CLINT1: variants seen among roughly 807,000 people sequenced by gnomAD.
CLINT1 encodes clathrin interacting protein localized in the trans-Golgi region.
CLINT1 carries 15 observed loss-of-function variants against 70.4 expected under a neutral mutation model. That is an observed-to-expected ratio of 0.21 (90% CI 0.14 to 0.33). The LOEUF is 0.33. CLINT1 is among the 10% of genes least tolerant of loss of function. The pLI is 1.00. For synonymous variants in CLINT1, 227 were observed against 254.7 expected (o/e 0.89, Z 1.04); for missense variants, 615 against 778.1 (o/e 0.79, Z 2.49).
chr5:157,823,775 A>C (rs1286153988), intron 1 of CLINT1: 2 of 832,458 alleles, frequency 2.4e-6, no homozygotes, highest in Non-Finnish European at 2.9e-6. Context: ...GGGGTACCCA[A>C]CCCCCGGAGT....
Position 157,803,733 on chromosome 5 carries a change from C to T in CLINT1, c.943-14G>A, listed in dbSNP as rs1330597060. ...AGGCACTGAAGTCTGAAAACACACA[C>T]ATAACTCAGGAGCTTCGAAAAGTTT... On this transcript the variant is annotated splice_polypyrimidine_tract_variant and intron_variant, in intron 7 of 11. Transcript: ENST00000411809. 5.8e-6 allele frequency: 9 copies of T among 1,539,882 alleles called. No individual in the cohort carries two copies. In the East Asian group the frequency reaches 2.1e-4, roughly 35 times the overall value.
chr5:157,800,762 T>C (rs1024202857), intron 8 of CLINT1, among the ~76,000 whole-genome samples: 1 of 152,232 alleles, frequency 6.6e-6, no homozygotes, highest in African/African-American at 2.4e-5. Flanking sequence ...GTCAAACTAC[T>C]GTTTGCACTG....
At chr5:157,828,480 C>T (rs540905903) in intron 1 of CLINT1, among the ~76,000 whole-genome samples, 54 of 152,066 alleles carry the variant, frequency 3.6e-4, no homozygotes, top group Middle Eastern at 3.4e-3. Context: ...TGAACGCTAA[C>T]AACTATATAA....
chr5:157,853,390 A>C (rs1304746095), intron 1 of CLINT1, among the ~76,000 whole-genome samples: 1 of 152,204 alleles, frequency 6.6e-6, no homozygotes, highest in Admixed American at 6.5e-5. Context: ...TCAACTGTAG[A>C]GCCATATTGT....
At position 157,809,756 on chromosome 5, in the gene CLINT1, A is replaced by G; in HGVS notation, c.567T>C (p.Asp189=). 6.2e-7 allele frequency: 1 copy of G among 1,613,484 alleles called. No individual in the cohort carries two copies. Among genetic ancestry groups the G allele is most frequent in the South Asian group, 1.1e-5 (1 of 91,036 alleles). The change falls in exon 6 of 12, where the codon GAT becomes GAC. Residue 189 remains aspartate, a synonymous_variant. Coordinates refer to ENST00000411809, the MANE Select transcript of CLINT1 (RefSeq NM_014666.4). ...TGAATGGAAAAGCACTCTTGTTTTT[A>G]TCCCACTCCTCATCCCATTTTGATT... ...EPKSKWDEEW[D]KNKSAFPFSD...
At chr5:157,842,298 T>C (rs955666619) in intron 1 of CLINT1, among the ~76,000 whole-genome samples, 2 of 152,104 alleles carry the variant, frequency 1.3e-5, no homozygotes, top group African/African-American at 2.4e-5. Context: ...TACTTATAAG[T>C]AAAAAATCTT....
At chr5:157,820,310 G>A (rs1405476002) in intron 1 of CLINT1, among the ~76,000 whole-genome samples, 3 of 152,084 alleles carry the variant, frequency 2.0e-5, no homozygotes, top group Non-Finnish European at 4.4e-5. Flanking sequence ...TTTGCTGGGC[G>A]TGGTAGCGTG....
chr5:157,833,216 T>C (rs1472452345), intron 1 of CLINT1, among the ~76,000 whole-genome samples: 2 of 151,994 alleles, frequency 1.3e-5, no homozygotes, highest in Non-Finnish European at 2.9e-5. Context: ...CCCGGCGTGG[T>C]GGCACATGAC....
intron 6 of CLINT1, 37 bp downstream of exon 6, chr5:157,809,591 C>T: frequency 6.5e-7 from 1 of 1,527,224 alleles, no homozygotes; most frequent in Non-Finnish European, 8.8e-7. Context: ...ATTTAGGGCT[C>T]TTTCTAAGAG....
chr5:157,822,625 C>T (rs553866516), intron 1 of CLINT1, among the ~76,000 whole-genome samples: 1 of 152,304 alleles, frequency 6.6e-6, no homozygotes, highest in East Asian at 1.9e-4. Context: ...TAGTGTTCAT[C>T]GTAGCCCTCC....
intron 1 of CLINT1, among the ~76,000 whole-genome samples, chr5:157,848,300 T>C (rs1276091781): frequency 1.3e-5 from 2 of 150,842 alleles, no homozygotes; most frequent in Admixed American, 6.6e-5. Context: ...TTTCACCACA[T>C]TGGCCAGACT....
intron 1 of CLINT1, among the ~76,000 whole-genome samples, chr5:157,851,668 C>A (rs1374333238): frequency 7.6e-6 from 1 of 131,786 alleles, no homozygotes; most frequent in Non-Finnish European, 1.5e-5. Flanking sequence ...GCCTGAGTGA[C>A]AGAGCAAGAC....
intron 8 of CLINT1, 72 bp from the exon 9 acceptor site, chr5:157,795,044 A>C: frequency 8.2e-7 from 1 of 1,223,202 alleles, no homozygotes; most frequent in Non-Finnish European, 1.2e-6. Flanking sequence ...AGGCCATTTT[A>C]GTGCCACACA....
chr5:157,849,177 G>T (rs1753488153), intron 1 of CLINT1, among the ~76,000 whole-genome samples: 1 of 152,172 alleles, frequency 6.6e-6, no homozygotes, highest in South Asian at 2.1e-4. Context: ...AATCATCTGT[G>T]AAAGGAAGAA....
chr5:157,836,382 C>A (rs1407429293), intron 1 of CLINT1, among the ~76,000 whole-genome samples: 2 of 152,152 alleles, frequency 1.3e-5, no homozygotes, highest in Non-Finnish European at 2.9e-5. Context: ...CAGTCTGATT[C>A]CATAGATGAA....
chr5:157,791,986 G>A lies in CLINT1; in HGVS notation c.1097C>T (p.Thr366Ile), dbSNP rs777820202. The change falls in exon 10 of 12, where the codon ACA becomes ATA. Residue 366 changes from threonine to isoleucine, a missense_variant. Physicochemically the swap from Thr to Ile is moderately conservative, Grantham distance 89. This residue lies in a region of CLINT1 where 374 missense variants were observed against 409.6 expected (regional missense o/e 0.91). Coordinates refer to ENST00000411809, the MANE Select transcript of CLINT1 (RefSeq NM_014666.4). Reference sequence around the variant, plus strand: ...GTCACCAAAGTCTCCATTCCCACTTGTTGCTGTTACTAAGACAGAAATAAC... The same window carrying A: ...GTCACCAAAGTCTCCATTCCCACTTATTGCTGTTACTAAGACAGAAATAAC... Reference protein sequence around the residue: ...SGSFPSQVTATSGNGDFGDWS... With the variant: ...SGSFPSQVTAISGNGDFGDWS... The A allele has an allele frequency of 2.5e-6, 4 of 1,612,728 alleles. No individual in the cohort carries two copies. The highest frequency in any genetic ancestry group is 1.3e-5 in the African/African-American group (1 of 74,822).
chr5:157,849,337 A>C (rs1753493974), intron 1 of CLINT1, among the ~76,000 whole-genome samples: 1 of 152,258 alleles, frequency 6.6e-6, no homozygotes, highest in South Asian at 2.1e-4. Flanking sequence ...CTGAAAGCTC[A>C]GATGGCTGTA....
chr5:157,857,448 T>C (rs1195844779), intron 1 of CLINT1, among the ~76,000 whole-genome samples: 1 of 152,190 alleles, frequency 6.6e-6, no homozygotes, highest in Admixed American at 6.5e-5. Flanking sequence ...AATGAGTTGT[T>C]ATAAAGGAAA....
At chr5:157,837,578 C>T (rs1425081425) in intron 1 of CLINT1, among the ~76,000 whole-genome samples, 1 of 151,882 alleles carries the variant, frequency 6.6e-6, no homozygotes, top group African/African-American at 2.4e-5. Context: ...CTGAAGAAGG[C>T]TACAAAGATA....
Sources: gnomAD v4.1 joint callset for allele counts (sites outside exome capture counted in the v4.1 genomes callset) on GRCh38, gnomAD v4.1.1 for gene constraint, gnomAD v4.1.1 regional missense constraint, MANE v1.5 for transcripts, NCBI Gene and HGNC (gene_info 2026-07-23, HGNC 2026-07-21) for gene names.